The following TNN variants were observed in gnomAD, a reference collection of about 807,000 sequenced individuals.
The protein encoded by TNN is tenascin N, also known as tenascin-N.
TNN carries 122 observed loss-of-function variants against 134.4 expected under a neutral mutation model. The ratio of observed to expected loss-of-function variants is 0.91; its 90% CI spans 0.78 to 1.06. TNN has a LOEUF of 1.06. Ranked by LOEUF, TNN falls within the 50% of genes least tolerant of loss-of-function variation. The pLI, the probability that TNN is intolerant of heterozygous loss-of-function variation, is 0.00. For missense variants in TNN, 1,739 were observed against 1,699.4 expected (o/e 1.02, Z -0.41); for synonymous variants, 710 against 670.3 (o/e 1.06, Z -0.91).
intron 11 of TNN, among the ~76,000 whole-genome samples, chr1:175,119,634 T>C (rs183382576): frequency 2.8e-5 from 4 of 144,628 alleles, no homozygotes; most frequent in East Asian, 4.0e-4. Flanking sequence ...AATGCCTTTT[T>C]TTTCTTTTTT....
chr1:175,127,076 C>T lies in TNN; in HGVS notation c.3036C>T (p.Gly1012=). The part of the protein sequence containing the change: ...GYILTYQFPD[G]TVKEMQLGRE... ...TTCTGACTTACCAGTTCCCAGATGG[C>T]ACAGTTAAGGTACGGGGATTCCTTG... Residue 1012 remains glycine, a synonymous_variant, in exon 13 of 19, where the codon GGC becomes GGT. Transcript: ENST00000239462. 2 of 1,613,762 alleles carry T rather than the reference C, an allele frequency of 1.2e-6. No homozygotes were observed. Among genetic ancestry groups the T allele is most frequent in the Non-Finnish European group, 1.7e-6 (2 of 1,179,882 alleles).
intron 1 of TNN, among the ~76,000 whole-genome samples, chr1:175,075,189 G>A (rs1168998591): frequency 2.6e-5 from 4 of 152,216 alleles, no homozygotes; most frequent in Non-Finnish European, 5.9e-5. Context: ...CTAAATGAAT[G>A]ATGACTATTA....
chr1:175,138,632 A>T (rs1405768035), intron 17 of TNN, among the ~76,000 whole-genome samples: 1 of 152,210 alleles, frequency 6.6e-6, no homozygotes, highest in Non-Finnish European at 1.5e-5. Context: ...TTGCAGCTAG[A>T]AGATCCTCAC....
At chr1:175,082,109 G>T (rs903481800) in intron 4 of TNN, among the ~76,000 whole-genome samples, 3 of 152,228 alleles carry the variant, frequency 2.0e-5, no homozygotes, top group African/African-American at 7.2e-5. Context: ...AGTCCTCACT[G>T]TGGGAGCCAG....
chr1:175,099,219 T>C (rs1674654926), intron 9 of TNN, among the ~76,000 whole-genome samples: 1 of 152,212 alleles, frequency 6.6e-6, no homozygotes. Context: ...ACAATTTCTC[T>C]TGTATTTTCT....
rs555545458 is a variant in TNN at position 175,072,518 on chromosome 1, C to G, written c.-36+4583C>G. ...TCTTCTGCCCTGTCTGCCCCCTCCC[C>G]ACCCTCGCGGAGCTCAGCCTGTGGT... On this transcript the variant is annotated intron_variant, in intron 1 of 18. Coordinates refer to ENST00000239462, the MANE Select transcript of TNN (RefSeq NM_022093.2). Among the ~76,000 whole-genome samples, 11 of 152,340 alleles carry G rather than the reference C, an allele frequency of 7.2e-5. 1 individual carries two copies. In the South Asian group the frequency reaches 1.7e-3, roughly 23 times the overall value.
At chr1:175,091,858 G>C (rs1438809784) in intron 6 of TNN, among the ~76,000 whole-genome samples, 1 of 152,146 alleles carries the variant, frequency 6.6e-6, no homozygotes, top group Non-Finnish European at 1.5e-5. Flanking sequence ...CCAAAGTGCT[G>C]GAATTACAGG....
In TNN at chr1:175,128,096, A is replaced by G; in HGVS notation, c.3110A>G (p.Tyr1037Cys). Reference sequence around the variant, plus strand: ...CAAGGCCTTGAGCAAGGCGCCACCTACCCTGTCTCCCTTGTTGCCTTTAAG... The same window carrying G: ...CAAGGCCTTGAGCAAGGCGCCACCTGCCCTGTCTCCCTTGTTGCCTTTAAG... ...ALQGLEQGATYPVSLVAFKGG... is the reference protein window; with the variant it reads ...ALQGLEQGATCPVSLVAFKGG... The change falls in exon 14 of 19, where the codon TAC (tyrosine) becomes TGC (cysteine). Residue 1037 changes from tyrosine (Y) to cysteine (C), a missense_variant. By Grantham distance (194) the Tyr-to-Cys change is radical. Coordinates refer to ENST00000239462, the MANE Select transcript of TNN (RefSeq NM_022093.2). 6.2e-7 allele frequency: 1 copy of G among 1,613,956 alleles called. No individual in the cohort carries two copies. The highest frequency in any genetic ancestry group is 8.5e-7 in the Non-Finnish European group (1 of 1,179,924).
At position 175,077,404 on chromosome 1, in the gene TNN, C is replaced by T. The variant is rs777508290; in HGVS notation, c.-15C>T. 3 of 1,604,938 alleles carry T rather than the reference C, an allele frequency of 1.9e-6. No homozygotes were observed. Among genetic ancestry groups the T allele is most frequent in the South Asian group, 1.1e-5 (1 of 90,318 alleles). On this transcript the variant is annotated 5_prime_UTR_variant, in exon 2 of 19. Coordinates refer to ENST00000239462, the MANE Select transcript of TNN (RefSeq NM_022093.2). ...TACAGGCATCCTGGAGGGTCTGCTCCCTGTCTTTCCAAGGATGAGTCTCCA... is the reference window on the plus strand; with the variant it reads ...TACAGGCATCCTGGAGGGTCTGCTCTCTGTCTTTCCAAGGATGAGTCTCCA...
rs757513338 is a variant in TNN at position 175,144,367 on chromosome 1, C to A, written c.3596-20C>A. 6.2e-7 allele frequency: 1 copy of A among 1,611,548 alleles called. No individual in the cohort carries two copies. The highest frequency in any genetic ancestry group is 1.7e-5 in the Admixed American group (1 of 59,908). On this transcript the variant is annotated intron_variant, in intron 17 of 18. Transcript: ENST00000239462. ...GGTGGCTAACCCTGGGCTCTCGCCT[C>A]CGTCTCTTCTCTCCTGCAGGGGATG...
At chr1:175,093,198 A>G (rs1473153120) in intron 6 of TNN, among the ~76,000 whole-genome samples, 3 of 152,344 alleles carry the variant, frequency 2.0e-5, no homozygotes, top group African/African-American at 2.4e-5. Flanking sequence ...AACTCTGTCT[A>G]GATGCACTGG....
chr1:175,099,150 C>G (rs1674652995), intron 9 of TNN, among the ~76,000 whole-genome samples: 1 of 152,178 alleles, frequency 6.6e-6, no homozygotes, highest in South Asian at 2.1e-4. Flanking sequence ...GAAATCTTCT[C>G]CTCTCTCTCG....
intron 9 of TNN, among the ~76,000 whole-genome samples, chr1:175,102,337 G>A (rs1674745751): frequency 6.8e-6 from 1 of 146,324 alleles, no homozygotes; most frequent in Non-Finnish European, 1.5e-5. Flanking sequence ...GGGACTGGGT[G>A]CCATGGAGCA....
intron 6 of TNN, among the ~76,000 whole-genome samples, chr1:175,093,156 C>T (rs1354406069): frequency 6.6e-6 from 1 of 152,268 alleles, no homozygotes; most frequent in Non-Finnish European, 1.5e-5. Flanking sequence ...GTCCCTCTCA[C>T]TTCCCTGGCC....
intron 16 of TNN, among the ~76,000 whole-genome samples, chr1:175,136,467 G>A (rs911533600): frequency 2.0e-5 from 3 of 152,206 alleles, no homozygotes; most frequent in African/African-American, 7.2e-5. Flanking sequence ...GGTTTGCTCA[G>A]TGTAAAATCT....
chr1:175,113,876 A>G (rs780284237), intron 9 of TNN, among the ~76,000 whole-genome samples: 2 of 151,924 alleles, frequency 1.3e-5, no homozygotes, highest in Admixed American at 6.5e-5. Context: ...TTTAAATTCC[A>G]TTCATTGAAT....
At chr1:175,112,038 A>G (rs1205229508) in intron 9 of TNN, among the ~76,000 whole-genome samples, 4 of 152,044 alleles carry the variant, frequency 2.6e-5, no homozygotes, top group South Asian at 4.2e-4. Context: ...GTTGAATAAG[A>G]GTGGTAAGAG....
At chr1:175,116,478 G>A (rs1675169515) in intron 9 of TNN, among the ~76,000 whole-genome samples, 2 of 152,174 alleles carry the variant, frequency 1.3e-5, no homozygotes, top group African/African-American at 4.8e-5. Flanking sequence ...AAACAAGTTA[G>A]TAAGTTATGA....
rs761484463 is a variant in TNN, at chr1:175,094,203, C to A, written c.1538C>A (p.Ala513Asp). The A allele has an allele frequency of 1.2e-6, 2 of 1,612,778 alleles. No homozygotes were observed. The highest frequency in any genetic ancestry group is 2.2e-5 in the South Asian group (2 of 90,936). The change falls in exon 7 of 19, where the codon GCT becomes GAT. Residue 513 changes from alanine (A) to aspartate (D), a missense_variant. Ala to Asp is a moderately radical substitution (Grantham distance 126). Coordinates refer to ENST00000239462, the MANE Select transcript of TNN (RefSeq NM_022093.2). ...GAGGCATACAAGGTCTACGTGTGGGCTGAAAGGGGCAACCAGGGGAGCAAG... is the reference window on the plus strand; with the variant it reads ...GAGGCATACAAGGTCTACGTGTGGGATGAAAGGGGCAACCAGGGGAGCAAG... ...PGEAYKVYVW[A>D]ERGNQGSKKA...
Sources: gnomAD v4.1 joint callset for allele counts (sites outside exome capture counted in the v4.1 genomes callset) on GRCh38, gnomAD v4.1.1 for gene constraint, MANE v1.5 for transcripts, NCBI Gene and HGNC (gene_info 2026-07-23, HGNC 2026-07-21) for gene names.